BOLL: variants seen among roughly 807,000 people sequenced by gnomAD.
BOLL encodes the protein protein boule-like.
A neutral mutation model predicts 44.4 loss-of-function variants in BOLL; 23 were observed. The observed-to-expected ratio is 0.52, with a 90% CI of 0.37 to 0.73. The LOEUF (loss-of-function observed/expected upper bound fraction) is 0.73. BOLL is among the 30% of genes least tolerant of loss of function. The probability of loss-of-function intolerance (pLI) is 0.00; values close to 1 mark genes in which losing one functional copy is unlikely to be tolerated. For synonymous variants in BOLL, 97 were observed against 110.8 expected, an observed-to-expected ratio of 0.88 and a Z score of 0.78; for missense variants, 287 against 338.3, an observed-to-expected ratio of 0.85 and a Z score of 1.19.
At chr2:197,741,363 A>T (rs2106324330) in intron 10 of BOLL, among the ~76,000 whole-genome samples, 1 of 152,298 alleles carries the variant, frequency 6.6e-6, no homozygotes, top group Non-Finnish European at 1.5e-5. Context: ...GTTGCTTATC[A>T]GCTTAAGGAG....
chr2:197,754,663 G>A (rs747239494), intron 9 of BOLL, among the ~76,000 whole-genome samples: 1 of 151,764 alleles, frequency 6.6e-6, no homozygotes, highest in Admixed American at 6.6e-5. Context: ...GCAGTGAGCC[G>A]AGACCACACC....
At chr2:197,735,967 G>T (rs532214120) in intron 10 of BOLL, among the ~76,000 whole-genome samples, 1 of 152,158 alleles carries the variant, frequency 6.6e-6, no homozygotes, top group East Asian at 1.9e-4. Context: ...TTTGTGCATG[G>T]TTTGTCAGTG....
intron 10 of BOLL, among the ~76,000 whole-genome samples, chr2:197,736,696 A>C (rs1687511048): frequency 6.6e-6 from 1 of 152,146 alleles, no homozygotes; most frequent in African/African-American, 2.4e-5. Context: ...ATATCTATGC[A>C]TGGGTTGCTT....
chr2:197,785,264 A>C lies in BOLL; in HGVS notation c.-224T>G. ...AATTTTGCCCCACAAATCCGCCAGC[A>C]GCAGTGGCGGGAAGCCTCAACGGCA... On this transcript the variant is annotated 5_prime_UTR_variant, in exon 1 of 11. Coordinates refer to ENST00000392296, the MANE Select transcript of BOLL (RefSeq NM_033030.6). The surrounding 1 kb of genome is among the most constrained non-coding windows in gnomAD (Gnocchi z 6.7). 2.0e-6 allele frequency: 2 copies of C among 985,808 alleles called. No individual in the cohort carries two copies. The highest frequency in any genetic ancestry group is 2.4e-6 in the Non-Finnish European group (2 of 829,916). 61.1% of individuals were successfully genotyped at this position (985,808 alleles called of 1,614,324 possible). A position where few individuals can be genotyped will look rare whatever the true frequency, so the allele number is the denominator to read the frequency against.
chr2:197,745,267 ACACT>A (rs1282499764), intron 9 of BOLL, among the ~76,000 whole-genome samples: 1 of 152,174 alleles, frequency 6.6e-6, no homozygotes, highest in Non-Finnish European at 1.5e-5. Context: ...TTTGACTATA[ACACT>A]CACAAGAAAA....
At chr2:197,785,932 G>T, upstream of BOLL, 1 of 1,444,894 alleles carries the variant, frequency 6.9e-7, no homozygotes. This position sits in a 1 kb window ranked among gnomAD's most constrained non-coding sequence, Gnocchi z 6.7. Flanking sequence ...GCTCCACGCT[G>T]CTCCTTCTCC....
intron 9 of BOLL, among the ~76,000 whole-genome samples, chr2:197,744,011 G>A (rs1056220527): frequency 7.1e-4 from 108 of 152,152 alleles, no homozygotes; most frequent in African/African-American, 2.5e-3. Context: ...GGGTTTCACC[G>A]TGTTAGCCAG....
chr2:197,740,222 G>T (rs971165750), intron 10 of BOLL, among the ~76,000 whole-genome samples: 13 of 152,236 alleles, frequency 8.5e-5, no homozygotes, highest in Non-Finnish European at 1.3e-4. Flanking sequence ...GACTGTCTTG[G>T]TATTGAGTTC....
Sources: gnomAD v4.1 joint callset for allele counts (sites outside exome capture counted in the v4.1 genomes callset) on GRCh38, gnomAD v4.1.1 for gene constraint, Gnocchi (gnomAD v3.1) non-coding constraint, MANE v1.5 for transcripts, NCBI Gene and HGNC (gene_info 2026-07-23, HGNC 2026-07-21) for gene names.